CTNNA3: variants seen among roughly 807,000 people sequenced by gnomAD.
The protein encoded by CTNNA3 is catenin alpha-3.
Under a neutral mutation model 95.7 loss-of-function variants are expected in CTNNA3, and 76 were observed. The observed-to-expected ratio is 0.79, with a 90% CI of 0.66 to 0.96. The LOEUF is 0.96. CTNNA3 is among the 40% of genes least tolerant of loss of function. The pLI is 0.00. For synonymous variants in CTNNA3, 431 were observed against 374.4 expected, an observed-to-expected ratio of 1.15 and a Z score of -1.74; for missense variants, 1,191 against 1,089.8, an observed-to-expected ratio of 1.09 and a Z score of -1.31.
At chr10:67,623,465 G>A (rs144896989) in intron 2 of CTNNA3, among the ~76,000 whole-genome samples, 257 of 152,242 alleles carry the variant, frequency 1.7e-3, no homozygotes, top group African/African-American at 6.0e-3. Flanking sequence ...CGAGAGTGGG[G>A]TGTAGCAGAG....
At chr10:67,643,346 G>T (rs557636307) in intron 2 of CTNNA3, among the ~76,000 whole-genome samples, 1 of 152,034 alleles carries the variant, frequency 6.6e-6, no homozygotes, top group East Asian at 2.0e-4. Flanking sequence ...GCATCAGGAA[G>T]AATAGCTAAT....
chr10:66,836,154 A>AT (rs1207431267), intron 7 of CTNNA3, among the ~76,000 whole-genome samples: 1 of 152,192 alleles, frequency 6.6e-6, no homozygotes, highest in Non-Finnish European at 1.5e-5. Context: ...AAGCTACAAC[A>AT]TGATGTCACT....
chr10:66,400,567 G>T (rs1368139248), intron 11 of CTNNA3, among the ~76,000 whole-genome samples: 1 of 152,020 alleles, frequency 6.6e-6, no homozygotes, highest in Non-Finnish European at 1.5e-5. Flanking sequence ...ATATTCATAA[G>T]TGGCAGCTCT....
At chr10:67,439,022 G>A (rs564976077) in intron 5 of CTNNA3, among the ~76,000 whole-genome samples, 2 of 152,252 alleles carry the variant, frequency 1.3e-5, no homozygotes, top group South Asian at 2.1e-4. Context: ...GCTGAGCTTA[G>A]AGCCAGTGGA....
chr10:67,514,169 G>A (rs375080087), intron 5 of CTNNA3, among the ~76,000 whole-genome samples: 56 of 152,186 alleles, frequency 3.7e-4, no homozygotes, highest in African/African-American at 1.3e-3. Flanking sequence ...GCATGGTGGT[G>A]GATGCCTGTA....
At chr10:67,251,608 T>G (rs746860269) in intron 5 of CTNNA3, among the ~76,000 whole-genome samples, 1 of 152,154 alleles carries the variant, frequency 6.6e-6, no homozygotes. Context: ...GCTAATACTT[T>G]GGCAGCTCAG....
intron 10 of CTNNA3, among the ~76,000 whole-genome samples, chr10:66,617,914 A>G (rs1844584079): frequency 6.6e-6 from 1 of 151,476 alleles, no homozygotes; most frequent in East Asian, 1.9e-4. Flanking sequence ...TTATACACCA[A>G]TAACAGACAA....
chr10:67,556,402 T>C (rs1227274105), intron 3 of CTNNA3, among the ~76,000 whole-genome samples: 6 of 152,212 alleles, frequency 3.9e-5, no homozygotes, highest in Non-Finnish European at 5.9e-5. Context: ...TTTTGTTTGG[T>C]AGGCTCTTAA....
At chr10:66,566,348 A>G (rs1458412186) in intron 10 of CTNNA3, among the ~76,000 whole-genome samples, 1 of 152,170 alleles carries the variant, frequency 6.6e-6, no homozygotes, top group Admixed American at 6.5e-5. Flanking sequence ...CTAGTGTCCT[A>G]GATCATGACA....
intron 5 of CTNNA3, among the ~76,000 whole-genome samples, chr10:67,387,038 G>A (rs77002548): frequency 4.6e-5 from 7 of 152,090 alleles, no homozygotes; most frequent in African/African-American, 9.7e-5. Context: ...CAAGAAGCCC[G>A]TTAGTTGAGG....
intron 15 of CTNNA3, among the ~76,000 whole-genome samples, chr10:66,040,813 A>G (rs1249954200): frequency 6.6e-6 from 1 of 152,158 alleles, no homozygotes; most frequent in Non-Finnish European, 1.5e-5. Flanking sequence ...AATCTGTACA[A>G]CAAATCTCCA....
intron 13 of CTNNA3, among the ~76,000 whole-genome samples, chr10:66,124,097 G>A (rs750491559): frequency 2.6e-5 from 4 of 152,124 alleles, no homozygotes; most frequent in Non-Finnish European, 5.9e-5. Context: ...CGCATTGTCA[G>A]GCTACACATT....
intron 1 of CTNNA3, among the ~76,000 whole-genome samples, chr10:67,657,231 C>A (rs566077318): frequency 6.6e-6 from 1 of 152,122 alleles, no homozygotes; most frequent in Non-Finnish European, 1.5e-5. Context: ...GCAAGAGGAG[C>A]AGGAAGAAGA....
chr10:66,250,061 G>C (rs965569294), intron 13 of CTNNA3, among the ~76,000 whole-genome samples: 1 of 152,126 alleles, frequency 6.6e-6, no homozygotes, highest in Admixed American at 6.6e-5. Context: ...GTACTATTCA[G>C]TCATAAAAAT....
intron 10 of CTNNA3, among the ~76,000 whole-genome samples, chr10:66,524,432 A>G (rs186754356): frequency 9.2e-5 from 14 of 152,274 alleles, no homozygotes; most frequent in African/African-American, 3.4e-4. Context: ...CAGGTTTGGT[A>G]TTATTTTCTC....
At chr10:67,323,372 C>T (rs1841403169) in intron 5 of CTNNA3, among the ~76,000 whole-genome samples, 1 of 152,112 alleles carries the variant, frequency 6.6e-6, no homozygotes, top group South Asian at 2.1e-4. Flanking sequence ...AATCTTTAAT[C>T]CATCTTGAGT....
intron 7 of CTNNA3, among the ~76,000 whole-genome samples, chr10:66,944,306 A>G (rs1848170450): frequency 6.6e-6 from 1 of 152,168 alleles, no homozygotes; most frequent in African/African-American, 2.4e-5. Flanking sequence ...TTCTCTGTTC[A>G]TCCATAAGCA....
intron 7 of CTNNA3, among the ~76,000 whole-genome samples, chr10:66,869,155 T>A (rs1471543673): frequency 6.6e-6 from 1 of 152,214 alleles, no homozygotes; most frequent in African/African-American, 2.4e-5. Flanking sequence ...AAGTGCTGTA[T>A]AAGCCAATAA....
chr10:66,020,608 T>A (rs2079182797), intron 15 of CTNNA3, among the ~76,000 whole-genome samples: 1 of 152,160 alleles, frequency 6.6e-6, no homozygotes, highest in Admixed American at 6.6e-5. Context: ...TCAGAGATAA[T>A]TTGCCAATTG....
Sources: allele counts gnomAD v4.1 joint callset (sites outside exome capture counted in the v4.1 genomes callset), GRCh38; gene constraint gnomAD v4.1.1; transcripts MANE v1.5; gene names NCBI Gene and HGNC (gene_info 2026-07-23, HGNC 2026-07-21).